Variants in CCBE1 observed in about 807,000 individuals in gnomAD.
CCBE1 encodes collagen and calcium binding EGF domains 1.
In CCBE1, 37 loss-of-function variants were observed where a neutral mutation model predicts 50.0. The observed-to-expected ratio is 0.74, with a 90% CI of 0.57 to 0.97. CCBE1 has a LOEUF of 0.97. CCBE1 is among the 50% of genes least tolerant of loss of function. The pLI is 0.00. For synonymous variants in CCBE1, 234 were observed against 203.7 expected (o/e 1.15, Z -1.27); for missense variants, 538 against 523.8 (o/e 1.03, Z -0.26).
intron 2 of CCBE1, among the ~76,000 whole-genome samples, chr18:59,538,064 A>C (rs894125351): frequency 6.6e-6 from 1 of 152,238 alleles, no homozygotes; most frequent in Non-Finnish European, 1.5e-5. Flanking sequence ...CTTAAGCAAA[A>C]CAGCTTGTCA....
intron 5 of CCBE1, among the ~76,000 whole-genome samples, chr18:59,461,836 G>A (rs1598920021): frequency 6.7e-6 from 1 of 149,502 alleles, no homozygotes; most frequent in Admixed American, 6.8e-5. Context: ...GGGTTCAAGC[G>A]ATTCTCCTGC....
At chr18:59,519,070 G>A (rs1192088808) in intron 2 of CCBE1, among the ~76,000 whole-genome samples, 2 of 152,170 alleles carry the variant, frequency 1.3e-5, no homozygotes, top group African/African-American at 2.4e-5. Flanking sequence ...TAAACTTCAT[G>A]AACTTAAGTC....
At chr18:59,630,598 A>G (rs1312571966) in intron 2 of CCBE1, among the ~76,000 whole-genome samples, 1 of 152,152 alleles carries the variant, frequency 6.6e-6, no homozygotes, top group Non-Finnish European at 1.5e-5. Context: ...CATGTCTGGT[A>G]TCTTTGCAAG....
At chr18:59,545,890 G>C (rs1568198238) in intron 2 of CCBE1, among the ~76,000 whole-genome samples, 1 of 152,190 alleles carries the variant, frequency 6.6e-6, no homozygotes, top group African/African-American at 2.4e-5. Context: ...ATGTGGAACT[G>C]TAAGTCCAAT....
chr18:59,480,292 T>C, intron 2 of CCBE1, 54 bp from the exon 3 acceptor site: 1 of 1,313,610 alleles, frequency 7.6e-7, no homozygotes, highest in Non-Finnish European at 1.1e-6. Flanking sequence ...AATAAAATTC[T>C]TTCCAGTTAT....
chr18:59,599,548 A>C (rs528215874), intron 2 of CCBE1, among the ~76,000 whole-genome samples: 1 of 152,286 alleles, frequency 6.6e-6, no homozygotes, highest in East Asian at 1.9e-4. Flanking sequence ...GCTCACTCAT[A>C]TAGTCACATT....
At chr18:59,671,499 GA>G (rs56009778) in intron 2 of CCBE1, among the ~76,000 whole-genome samples, 4,106 of 121,062 alleles carry the variant, frequency 0.034, 110 homozygotes, top group African/African-American at 0.069. Context: ...CCTTGTCTCA[GA>G]AAAAAAAAAA....
chr18:59,524,198 T>C (rs973567178), intron 2 of CCBE1, among the ~76,000 whole-genome samples: 2 of 152,098 alleles, frequency 1.3e-5, no homozygotes, highest in Admixed American at 1.3e-4. Flanking sequence ...TACATGCCCG[T>C]AATCCCAGTT....
At chr18:59,550,232 G>A (rs1441344664) in intron 2 of CCBE1, among the ~76,000 whole-genome samples, 2 of 152,108 alleles carry the variant, frequency 1.3e-5, no homozygotes, top group Non-Finnish European at 2.9e-5. Flanking sequence ...GGCAAACTAT[G>A]ACCCATGGAC....
intron 2 of CCBE1, among the ~76,000 whole-genome samples, chr18:59,536,758 G>C (rs1197459856): frequency 6.6e-6 from 1 of 152,106 alleles, no homozygotes; most frequent in Non-Finnish European, 1.5e-5. Context: ...AGGAGGCCGA[G>C]GTGGGCAGAT....
chr18:59,469,725 C>A, intron 3 of CCBE1, 118 bp from the exon 4 acceptor site: 6 of 1,327,684 alleles, frequency 4.5e-6, no homozygotes, highest in Non-Finnish European at 5.4e-6. Flanking sequence ...GAAGTGTGGA[C>A]AGATATACTT....
intron 2 of CCBE1, among the ~76,000 whole-genome samples, chr18:59,588,424 A>G (rs990599403): frequency 6.6e-6 from 1 of 152,128 alleles, no homozygotes; most frequent in South Asian, 2.1e-4. Context: ...AAAGAGGTAA[A>G]TATTTCCAGC....
At chr18:59,692,952 CAAAGCACACACACACA>C (rs2054752635) in intron 2 of CCBE1, among the ~76,000 whole-genome samples, 1 of 105,016 alleles carries the variant, frequency 9.5e-6, no homozygotes, top group African/African-American at 3.9e-5. Context: ...TTTGTCAAGC[CAAAGCACACACACACA>C]CACACACACA....
At chr18:59,660,839 T>C (rs2054274251) in intron 2 of CCBE1, among the ~76,000 whole-genome samples, 1 of 152,214 alleles carries the variant, frequency 6.6e-6, no homozygotes, top group African/African-American at 2.4e-5. Context: ...ATAACTATAA[T>C]TCTGTGGCCA....
At position 59,591,748 on chromosome 18, in the gene CCBE1, A is replaced by G. The variant is rs577213610; in HGVS notation, c.212+104881T>C. Reference sequence around the variant, plus strand: ...TCCTTACAGAAAGGAAATAGGCAATACCTAAAACAGAAACTACAAGTCCAT... The same window carrying G: ...TCCTTACAGAAAGGAAATAGGCAATGCCTAAAACAGAAACTACAAGTCCAT... On this transcript the variant is annotated intron_variant, in intron 2 of 10. Transcript: ENST00000439986. Among the ~76,000 whole-genome samples, 3 of 152,324 alleles carry G rather than the reference A, an allele frequency of 2.0e-5. No individual in the cohort carries two copies. In the East Asian group the frequency reaches 5.8e-4, roughly 29 times the overall value.
In CCBE1 at chr18:59,696,806, C is replaced by A. The variant is rs1019464756; in HGVS notation, c.132-97G>T. The stretch of plus-strand genomic sequence containing the variant: ...TCCCTGGCGCGTGGGGATCGCCAGG[C>A]TCCCCGTCCCGGCGCTCTGGGCAGG... On this transcript the variant is annotated intron_variant, in intron 1 of 10. Coordinates refer to ENST00000439986, the MANE Select transcript of CCBE1 (RefSeq NM_133459.4). The A allele has an allele frequency of 5.3e-6, 7 of 1,320,392 alleles. No individual in the cohort carries two copies. In the African/African-American group the frequency reaches 8.7e-5, roughly 16 times the overall value. 81.8% of individuals were successfully genotyped at this position (1,320,392 alleles called of 1,614,324 possible).
chr18:59,526,250 G>A (rs1470315459), intron 2 of CCBE1, among the ~76,000 whole-genome samples: 1 of 150,346 alleles, frequency 6.7e-6, no homozygotes, highest in Non-Finnish European at 1.5e-5. Context: ...TAGCTTTGGG[G>A]TTTGTTTGCT....
chr18:59,639,545 T>C (rs900379312), intron 2 of CCBE1, among the ~76,000 whole-genome samples: 1 of 152,196 alleles, frequency 6.6e-6, no homozygotes, highest in Non-Finnish European at 1.5e-5. Context: ...TCATACTGAA[T>C]GGGCAAAAGC....
In CCBE1 at chr18:59,535,162, G is replaced by A. The variant is rs73963228; in HGVS notation, c.213-54924C>T. 6.2e-3 allele frequency among the ~76,000 whole-genome samples: 940 copies of A among 152,312 alleles called. 7 individuals are homozygous for A. The highest frequency in any genetic ancestry group is 0.022 in the African/African-American group (902 of 41,548). ...GTAGTTCTGCCTTCAGCAGTAATGA[G>A]ATTGACAGCATCATGAAGCCTTGAT... On this transcript the variant is annotated intron_variant, in intron 2 of 10. Transcript: ENST00000439986.
Sources: allele counts gnomAD v4.1 joint callset (sites outside exome capture counted in the v4.1 genomes callset), GRCh38; gene constraint gnomAD v4.1.1; transcripts MANE v1.5; gene names NCBI Gene and HGNC (gene_info 2026-07-23, HGNC 2026-07-21).